Variants in PCDHB14 observed in about 807,000 individuals in gnomAD.
PCDHB14 encodes protocadherin beta-14.
For synonymous variants in PCDHB14, 511 were observed against 441.5 expected (o/e 1.16, Z -1.97); for missense variants, 1,129 against 1,000.5 (o/e 1.13, Z -1.73).
chr5:141,225,830 A>C lies in PCDHB14; in HGVS notation c.2325A>C (p.Gln775His), dbSNP rs1408118224. Residue 775 changes from glutamine to histidine, a missense_variant, in exon 1 of 1, where the codon CAA becomes CAC. Transcript: ENST00000239449. ...KFLKPIIPNF[Q>H]VHDTGRNMGE... ...TGAAGCCGATTATCCCCAATTTTCAAGTTCATGACACTGGTAGGAATATGG... is the reference window on the plus strand; with the variant it reads ...TGAAGCCGATTATCCCCAATTTTCACGTTCATGACACTGGTAGGAATATGG... The C allele has an allele frequency of 6.2e-7, 1 of 1,614,078 alleles. No homozygotes were observed. Among genetic ancestry groups the C allele is most frequent in the African/African-American group, 1.3e-5 (1 of 74,934 alleles).
Position 141,224,144 on chromosome 5 carries a change from A to G in PCDHB14, c.639A>G (p.Thr213=). The G allele has an allele frequency of 6.2e-7, 1 of 1,614,134 alleles. No individual in the cohort carries two copies. ...AAGCTGAACTCAGATTAACACTCACAGCAGTGGATGGTGGATCCCCGCCCA... is the reference window on the plus strand; with the variant it reads ...AAGCTGAACTCAGATTAACACTCACGGCAGTGGATGGTGGATCCCCGCCCA... The part of the protein sequence containing the change: ...EQEAELRLTL[T]AVDGGSPPKS... Residue 213 remains threonine (T), a synonymous_variant, in exon 1 of 1, where the codon ACA becomes ACG. Coordinates refer to ENST00000239449, the MANE Select transcript of PCDHB14 (RefSeq NM_018934.4).
At position 141,225,623 on chromosome 5, in the gene PCDHB14, C is replaced by T. The variant is rs1408894956; in HGVS notation, c.2118C>T (p.Leu706=). ...CGTCGCTCTTCCTCTTCTCGGTGCT[C>T]CTGTTCGTGGCGGTGCGGCTGTGCA... is the stretch of plus-strand genomic sequence containing the variant. The part of the protein sequence containing the change: ...SVSSLFLFSV[L]LFVAVRLCRR... Residue 706 remains leucine, a synonymous_variant, in exon 1 of 1, where the codon CTC becomes CTT. Transcript: ENST00000239449. The T allele has an allele frequency of 1.2e-6, 2 of 1,612,736 alleles. No individual in the cohort carries two copies. Among genetic ancestry groups the T allele is most frequent in the South Asian group, 1.1e-5 (1 of 91,066 alleles).
rs990171490 is a variant in PCDHB14 at position 141,225,920 on chromosome 5, G to A, written c.*18G>A. 11 of 1,578,132 alleles carry A rather than the reference G, an allele frequency of 7.0e-6. No homozygotes were observed. The African/African-American group carries it at 1.4e-4, about 20-fold the overall frequency. On this transcript the variant is annotated 3_prime_UTR_variant, in exon 1 of 1. Transcript: ENST00000239449. ...TTCAATAAAACAATTTATTTTAAATGTCTAATTTTTGGTTATTCTTGGCAA... is the reference window on the plus strand; with the variant it reads ...TTCAATAAAACAATTTATTTTAAATATCTAATTTTTGGTTATTCTTGGCAA...
chr5:141,223,757 G>C lies in PCDHB14; in HGVS notation c.252G>C (p.Leu84Phe), dbSNP rs1341741594. Residue 84 changes from leucine to phenylalanine, a missense_variant, in exon 1 of 1, where the codon TTG (leucine) becomes TTC (phenylalanine). Physicochemically the swap from Leu to Phe is conservative, Grantham distance 22. Coordinates refer to ENST00000239449, the MANE Select transcript of PCDHB14 (RefSeq NM_018934.4). Reference sequence around the variant, plus strand: ...ACCTTGATTTGCTGACTGGGAATTTGCTCCTAAATGAGAAACTAGACCGAG... The same window carrying C: ...ACCTTGATTTGCTGACTGGGAATTTCCTCCTAAATGAGAAACTAGACCGAG... ...YLHLDLLTGN[L>F]LLNEKLDRDE... 2 of 1,613,944 alleles carry C rather than the reference G, an allele frequency of 1.2e-6. No homozygotes were observed. Among genetic ancestry groups the C allele is most frequent in the Non-Finnish European group, 1.7e-6 (2 of 1,180,024 alleles).
At position 141,223,642 on chromosome 5, in the gene PCDHB14, C is replaced by G. The variant is rs1308442163; in HGVS notation, c.137C>G (p.Ala46Gly). ...AEETEIGSFV[A>G]NLARDLGLGV... ...GAAACAGAAATTGGCTCTTTTGTGGCTAATCTAGCGAGGGACCTAGGGCTG... is the reference window on the plus strand; with the variant it reads ...GAAACAGAAATTGGCTCTTTTGTGGGTAATCTAGCGAGGGACCTAGGGCTG... The change falls in exon 1 of 1, where the codon GCT (alanine) becomes GGT (glycine). Residue 46 changes from alanine (A) to glycine (G), a missense_variant. Ala to Gly is a moderately conservative substitution (Grantham distance 60). Coordinates refer to ENST00000239449, the MANE Select transcript of PCDHB14 (RefSeq NM_018934.4). The G allele has an allele frequency of 1.2e-6, 2 of 1,614,030 alleles. No homozygotes were observed. Among genetic ancestry groups the G allele is most frequent in the Non-Finnish European group, 1.7e-6 (2 of 1,180,014 alleles).
Position 141,223,780 on chromosome 5 carries a change from G to A in PCDHB14, c.275G>A (p.Arg92Gln), listed in dbSNP as rs1554289041. 1 of 1,613,998 alleles carries A rather than the reference G, an allele frequency of 6.2e-7. No homozygotes were observed. The highest frequency in any genetic ancestry group is 8.5e-7 in the Non-Finnish European group (1 of 1,179,980). The change falls in exon 1 of 1, where the codon CGA becomes CAA. Residue 92 changes from arginine (R) to glutamine (Q), a missense_variant. By Grantham distance (43) the Arg-to-Gln change is conservative. Transcript: ENST00000239449. ...GNLLLNEKLD[R>Q]DELCGSTEPC... Reference sequence around the variant, plus strand: ...TTGCTCCTAAATGAGAAACTAGACCGAGACGAGCTGTGTGGCTCCACCGAG... The same window carrying A: ...TTGCTCCTAAATGAGAAACTAGACCAAGACGAGCTGTGTGGCTCCACCGAG...
In PCDHB14 at chr5:141,223,651, C is replaced by T. The variant is rs781934724; in HGVS notation, c.146C>T (p.Ala49Val). The change falls in exon 1 of 1, where the codon GCG becomes GTG. Residue 49 changes from alanine to valine, a missense_variant. Physicochemically the swap from Ala to Val is moderately conservative, Grantham distance 64. Coordinates refer to ENST00000239449, the MANE Select transcript of PCDHB14 (RefSeq NM_018934.4). ...ATTGGCTCTTTTGTGGCTAATCTAG[C>T]GAGGGACCTAGGGCTGGGGGTGGAG... ...TEIGSFVANL[A>V]RDLGLGVEEL... 3.8e-5 allele frequency: 61 copies of T among 1,613,952 alleles called. 1 individual carries two copies. In the South Asian group the frequency reaches 6.5e-4, roughly 17 times the overall value.
Position 141,225,116 on chromosome 5 carries a change from G to A in PCDHB14, c.1611G>A (p.Gly537=), listed in dbSNP as rs561912524. The A allele has an allele frequency of 9.9e-6, 16 of 1,611,922 alleles. No homozygotes were observed. The highest frequency in any genetic ancestry group is 2.2e-5 in the East Asian group (1 of 44,878). The change falls in exon 1 of 1, where the codon GGG becomes GGA. Residue 537 remains glycine, a synonymous_variant. Coordinates refer to ENST00000239449, the MANE Select transcript of PCDHB14 (RefSeq NM_018934.4). The part of the protein sequence containing the change: ...FEFRVGATDR[G]SPALSSEALV... Reference sequence around the variant, plus strand: ...TTCGCGTGGGCGCCACAGACCGCGGGTCCCCGGCGTTGAGCAGCGAGGCGC... The same window carrying A: ...TTCGCGTGGGCGCCACAGACCGCGGATCCCCGGCGTTGAGCAGCGAGGCGC...
At position 141,224,023 on chromosome 5, in the gene PCDHB14, G is replaced by T; in HGVS notation, c.518G>T (p.Ser173Ile). The T allele has an allele frequency of 6.2e-7, 1 of 1,613,614 alleles. No individual in the cohort carries two copies. The highest frequency in any genetic ancestry group is 8.5e-7 in the Non-Finnish European group (1 of 1,179,830). ...GSNSLQNYTI[S>I]PNSHFYIKIP... ...AACAGTCTCCAAAACTACACAATTA[G>T]CCCCAATTCTCACTTCTACATTAAA... is the stretch of plus-strand genomic sequence containing the variant. The change falls in exon 1 of 1, where the codon AGC (serine) becomes ATC (isoleucine). Residue 173 changes from serine to isoleucine, a missense_variant. Physicochemically the swap from Ser to Ile is moderately radical, Grantham distance 142 (BLOSUM62 -2). Transcript: ENST00000239449.
In PCDHB14 at chr5:141,226,158, G is replaced by T; in HGVS notation, c.*256G>T. On this transcript the variant is annotated 3_prime_UTR_variant, in exon 1 of 1. Transcript: ENST00000239449. Reference sequence around the variant, plus strand: ...TATTGCTATTTTTGCTGTGATAATGGTATTATGCAAGACCATATTCTCAAT... The same window carrying T: ...TATTGCTATTTTTGCTGTGATAATGTTATTATGCAAGACCATATTCTCAAT... 3 of 458,930 alleles carry T rather than the reference G, an allele frequency of 6.5e-6. No homozygotes were observed. Among genetic ancestry groups the T allele is most frequent in the Non-Finnish European group, 1.2e-5 (3 of 252,740 alleles). The allele number at this position is 458,930 out of a possible 1,614,324, so 28.4% of individuals were successfully genotyped here.
chr5:141,225,702 C>A lies in PCDHB14; in HGVS notation c.2197C>A (p.Pro733Thr), dbSNP rs1754844292. 8.7e-6 allele frequency: 14 copies of A among 1,614,116 alleles called. No individual in the cohort carries two copies. Among genetic ancestry groups the A allele is most frequent in the Non-Finnish European group, 1.2e-5 (14 of 1,180,058 alleles). The change falls in exon 1 of 1, where the codon CCA becomes ACA. Residue 733 changes from proline (P) to threonine (T), a missense_variant. Coordinates refer to ENST00000239449, the MANE Select transcript of PCDHB14 (RefSeq NM_018934.4). ...CTGCTCGGTGCCCGAGGGTCCCTTT[C>A]CAGGGCATCTGGTGGACGTGAGCGG... ...GRCSVPEGPF[P>T]GHLVDVSGTG...
Position 141,227,396 on chromosome 5 carries a change from A to G in PCDHB14, c.*1494A>G, listed in dbSNP as rs146155987. 1.1e-4 allele frequency: 16 copies of G among 152,334 alleles called. No homozygotes were observed. The East Asian group carries it at 3.1e-3, about 29-fold the overall frequency. The allele number at this position is 152,334 out of a possible 1,614,324, so 9.4% of individuals were successfully genotyped here. On this transcript the variant is annotated 3_prime_UTR_variant, in exon 1 of 1. Transcript: ENST00000239449. ...AGATGCCTACAAAGAAGGAATGGGT[A>G]GGCATTTATGGTTTATAGTTGCCTC...
rs1206792766 is a variant in PCDHB14, at chr5:141,227,092, A to G, written c.*1190A>G. On this transcript the variant is annotated 3_prime_UTR_variant, in exon 1 of 1. Coordinates refer to ENST00000239449, the MANE Select transcript of PCDHB14 (RefSeq NM_018934.4). ...AGTGATCCACCTGCTTTGGCCTCCC[A>G]ACGTGCTAGGATTACAGGCATGAGC... The G allele has an allele frequency of 6.6e-6, 1 of 152,256 alleles. No individual in the cohort carries two copies. The highest frequency in any genetic ancestry group is 1.5e-5 in the Non-Finnish European group (1 of 68,080). 9.4% of individuals were successfully genotyped at this position (152,256 alleles called of 1,614,324 possible). A position where few individuals can be genotyped will look rare whatever the true frequency, so the allele number is the denominator to read the frequency against.
chr5:141,225,842 TG>T lies in PCDHB14; in HGVS notation c.2339del (p.Gly780ValfsTer51). On this transcript the variant is annotated frameshift_variant, in exon 1 of 1. Coordinates refer to ENST00000239449, the MANE Select transcript of PCDHB14 (RefSeq NM_018934.4). LOFTEE classifies it low-confidence loss of function (END_TRUNC). ...TCCCCAATTTTCAAGTTCATGACAC[TG>T]GTAGGAATATGGGGGAAATCGAGAA... ...IIPNFQVHDT[G>X]RNMGEIENFR... The T allele has an allele frequency of 6.2e-7, 1 of 1,614,240 alleles. No homozygotes were observed. Among genetic ancestry groups the T allele is most frequent in the Non-Finnish European group, 8.5e-7 (1 of 1,180,040 alleles).
chr5:141,224,940 G>C lies in PCDHB14; in HGVS notation c.1435G>C (p.Asp479His), dbSNP rs1754808690. 3 of 1,612,780 alleles carry C rather than the reference G, an allele frequency of 1.9e-6. No homozygotes were observed. Among genetic ancestry groups the C allele is most frequent in the South Asian group, 2.2e-5 (2 of 91,018 alleles). ...CGGCAGCGTCAGCGCCACAGACAGAGACTCAGGCACCAACGCCCAGGTCAA... is the reference window on the plus strand; with the variant it reads ...CGGCAGCGTCAGCGCCACAGACAGACACTCAGGCACCAACGCCCAGGTCAA... Reference protein sequence around the residue: ...HIGSVSATDRDSGTNAQVNYS... With the variant: ...HIGSVSATDRHSGTNAQVNYS... The change falls in exon 1 of 1, where the codon GAC becomes CAC. Residue 479 changes from aspartate (D) to histidine (H), a missense_variant. Coordinates refer to ENST00000239449, the MANE Select transcript of PCDHB14 (RefSeq NM_018934.4).
In PCDHB14 at chr5:141,224,845, AC is replaced by A; in HGVS notation, c.1341del (p.Asn447LysfsTer95). ...GTGCTGCTCTCTGACGTCAATGACAACGCCCCCACCTTCACCCAAACCTCCT... is the reference window on the plus strand; with the variant it reads ...GTGCTGCTCTCTGACGTCAATGACAAGCCCCCACCTTCACCCAAACCTCCT... ...ITVLLSDVND[N>X]APTFTQTSYT... On this transcript the variant is annotated frameshift_variant, in exon 1 of 1. Transcript: ENST00000239449. LOFTEE classifies it low-confidence loss of function (END_TRUNC). 6.2e-7 allele frequency: 1 copy of A among 1,613,790 alleles called. No individual in the cohort carries two copies. The highest frequency in any genetic ancestry group is 1.1e-5 in the South Asian group (1 of 91,060).
At position 141,225,545 on chromosome 5, in the gene PCDHB14, G is replaced by A. The variant is rs1554289527; in HGVS notation, c.2040G>A (p.Gln680=). The change falls in exon 1 of 1, where the codon CAG becomes CAA. Residue 680 remains glutamine (Q), a synonymous_variant. Transcript: ENST00000239449. ...YLPLPEAAPA[Q]AQADSLTVYL... is the part of the protein sequence containing the mutation. ...CGCTCCCTGAGGCGGCCCCGGCCCA[G>A]GCCCAGGCCGACTCCCTCACCGTCT... 1.9e-6 allele frequency: 3 copies of A among 1,610,408 alleles called. No homozygotes were observed. Among genetic ancestry groups the A allele is most frequent in the Non-Finnish European group, 2.5e-6 (3 of 1,179,790 alleles).
rs1271193313 is a variant in PCDHB14 at position 141,225,710 on chromosome 5, T to G, written c.2205T>G (p.His735Gln). 2.4e-5 allele frequency: 39 copies of G among 1,613,816 alleles called. No individual in the cohort carries two copies. Among genetic ancestry groups the G allele is most frequent in the Non-Finnish European group, 2.9e-5 (34 of 1,179,842 alleles). Reference protein sequence around the residue: ...CSVPEGPFPGHLVDVSGTGTL... With the variant: ...CSVPEGPFPGQLVDVSGTGTL... ...TGCCCGAGGGTCCCTTTCCAGGGCA[T>G]CTGGTGGACGTGAGCGGCACCGGGA... The change falls in exon 1 of 1, where the codon CAT (histidine) becomes CAG (glutamine). Residue 735 changes from histidine (H) to glutamine (Q), a missense_variant. Transcript: ENST00000239449.
chr5:141,224,175 G>C lies in PCDHB14; in HGVS notation c.670G>C (p.Gly224Arg), dbSNP rs782002952. 6.2e-7 allele frequency: 1 copy of C among 1,614,034 alleles called. No individual in the cohort carries two copies. Among genetic ancestry groups the C allele is most frequent in the East Asian group, 2.2e-5 (1 of 44,864 alleles). Residue 224 changes from glycine to arginine, a missense_variant, in exon 1 of 1, where the codon GGG becomes CGG. Physicochemically the swap from Gly to Arg is moderately radical, Grantham distance 125. Coordinates refer to ENST00000239449, the MANE Select transcript of PCDHB14 (RefSeq NM_018934.4). ...GGATGGTGGATCCCCGCCCAAGTCT[G>C]GGACAACTTTGGTTCTCATCAAGGT... ...AVDGGSPPKS[G>R]TTLVLIKVLD...
Sources: gnomAD v4.1 joint callset for allele counts on GRCh38, gnomAD v4.1.1 for gene constraint, MANE v1.5 for transcripts, NCBI Gene and HGNC (gene_info 2026-07-23, HGNC 2026-07-21) for gene names.